The following TRUB2 variants were observed in gnomAD, a reference collection of about 807,000 sequenced individuals.
The protein encoded by TRUB2 is TruB pseudouridine synthase family member 2, also known as pseudouridylate synthase TRUB2, mitochondrial.
TRUB2 carries 31 observed loss-of-function variants against 31.9 expected under a neutral mutation model. That is an observed-to-expected ratio of 0.97 (90% CI 0.73 to 1.31). The LOEUF (loss-of-function observed/expected upper bound fraction) is 1.31. Among genes scored for constraint, TRUB2 ranks in the 50% most tolerant of loss-of-function variants. The pLI is 0.00. For synonymous variants in TRUB2, 201 were observed against 182.6 expected (o/e 1.10, Z -0.81); for missense variants, 451 against 439.6 (o/e 1.03, Z -0.23).
At position 128,309,558 on chromosome 9, in the gene TRUB2, C is replaced by CCG. The variant is rs1831926251; in HGVS notation, c.986_987dup (p.Gly330ArgfsTer25). The CCG allele has an allele frequency of 6.2e-7, 1 of 1,609,784 alleles. No individual in the cohort carries two copies. ...AGGAGCTGCCTGGGCATTCACTGCC[C>CCG]CGCACCCCTCTCCAGCCCCAAGGTA... On this transcript the variant is annotated frameshift_variant, in exon 8 of 8. Coordinates refer to ENST00000372890, the MANE Select transcript of TRUB2 (RefSeq NM_015679.3). LOFTEE classifies it high-confidence loss of function.
intron 5 of TRUB2, among the ~76,000 whole-genome samples, 158 bp from the exon 6 acceptor site, chr9:128,311,759 A>T (rs1383910309): frequency 6.6e-6 from 1 of 150,450 alleles, no homozygotes; most frequent in Non-Finnish European, 1.5e-5. Flanking sequence ...TGAGATTCTC[A>T]TGAAAGCACT....
chr9:128,319,729 C>T (rs574718605), intron 2 of TRUB2, among the ~76,000 whole-genome samples: 8 of 150,420 alleles, frequency 5.3e-5, no homozygotes, highest in African/African-American at 2.0e-4. Flanking sequence ...ACCTCTGCCT[C>T]CCAGGTTCGT....
intron 3 of TRUB2, among the ~76,000 whole-genome samples, chr9:128,316,062 G>A (rs1832062981): frequency 6.6e-6 from 1 of 152,038 alleles, no homozygotes; most frequent in African/African-American, 2.4e-5. Context: ...TGTAATCCCA[G>A]AACTTTGGGA....
intron 7 of TRUB2, among the ~76,000 whole-genome samples, chr9:128,310,549 G>A (rs926609781): frequency 4.6e-5 from 7 of 151,836 alleles, no homozygotes; most frequent in African/African-American, 1.7e-4. Flanking sequence ...TGGGACTGGG[G>A]ACGTAAGAGT....
intron 2 of TRUB2, 35 bp downstream of exon 2, chr9:128,321,564 A>C: frequency 6.2e-7 from 1 of 1,611,712 alleles, no homozygotes; most frequent in African/African-American, 1.3e-5. Context: ...TTTCCTGGGA[A>C]GTGACACACA....
rs746852436 is a variant in TRUB2 at position 128,321,640 on chromosome 9, A to C, written c.200T>G (p.Leu67Arg). The C allele has an allele frequency of 4.3e-6, 7 of 1,614,082 alleles. 1 individual carries two copies. In the South Asian group the frequency reaches 7.7e-5, roughly 18 times the overall value. ...GAAAGAGGGTACGCTGGTGGCTGTG[A>C]GGGTCAGCTCCTTCTCTTCGCTGCC... is the stretch of plus-strand genomic sequence containing the variant. ...MEGSEEKELT[L>R]TATSVPSFIN... Residue 67 changes from leucine to arginine, a missense_variant, in exon 2 of 8, where the codon CTC becomes CGC. Coordinates refer to ENST00000372890, the MANE Select transcript of TRUB2 (RefSeq NM_015679.3).
At position 128,307,921 on chromosome 9, in the gene TRUB2, G is replaced by C. The variant is rs1424348792; in HGVS notation, c.*1629C>G. ...TGTCTAAAAAACAAAAACAGGCCGG[G>C]TGTGGTGGCTCATGCCTGCCATCCC... On this transcript the variant is annotated 3_prime_UTR_variant, in exon 8 of 8. Transcript: ENST00000372890. 6.6e-6 allele frequency: 1 copy of C among 151,838 alleles called. No homozygotes were observed. Among genetic ancestry groups the C allele is most frequent in the Non-Finnish European group, 1.5e-5 (1 of 68,034 alleles). The allele number at this position is 151,838 out of a possible 1,614,324, so 9.4% of individuals were successfully genotyped here.
intron 4 of TRUB2, 135 bp downstream of exon 4, chr9:128,315,432 C>T: frequency 1.3e-6 from 1 of 772,504 alleles, no homozygotes; most frequent in Non-Finnish European, 2.2e-6. Flanking sequence ...AGCCCCTGCA[C>T]AGCACACGAT....
chr9:128,306,125 C>T lies in TRUB2; in HGVS notation c.*3425G>A, dbSNP rs573033852. 3 of 152,262 alleles carry T rather than the reference C, an allele frequency of 2.0e-5. No individual in the cohort carries two copies. The South Asian group carries it at 6.2e-4, about 32-fold the overall frequency. The allele number at this position is 152,262 out of a possible 1,614,324, so 9.4% of individuals were successfully genotyped here. ...AAGACACAGGATAAGGAAAACATCT[C>T]CTTATCCAAGTGATTTGGGGTGGTA... On this transcript the variant is annotated 3_prime_UTR_variant, in exon 8 of 8. Transcript: ENST00000372890.
In TRUB2 at chr9:128,308,358, A is replaced by C. The variant is rs1831901756; in HGVS notation, c.*1192T>G. On this transcript the variant is annotated 3_prime_UTR_variant, in exon 8 of 8. Transcript: ENST00000372890. ...ACCATCCTGGCTAACACGGTGCAAC[A>C]CCGTCTCTACTAAAAATACAAAAAA... 6.6e-6 allele frequency: 1 copy of C among 151,632 alleles called. No individual in the cohort carries two copies. Among genetic ancestry groups the C allele is most frequent in the South Asian group, 2.1e-4 (1 of 4,818 alleles). 9.4% of individuals were successfully genotyped at this position (151,632 alleles called of 1,614,324 possible).
At chr9:128,319,631 C>T (rs1441968460) in intron 2 of TRUB2, among the ~76,000 whole-genome samples, 2 of 151,762 alleles carry the variant, frequency 1.3e-5, no homozygotes, top group Admixed American at 6.6e-5. Context: ...GGCATGTCGT[C>T]CCATATACCT....
chr9:128,311,566 C>T lies in TRUB2; in HGVS notation c.496G>A (p.Ala166Thr). The part of the protein sequence containing the change: ...VTREKLDRIL[A>T]VIQGSHQKAL... ...TTCTGATGGGAGCCTTGGATAACGG[C>T]CAGAATGCGGTCCAGCTTCTCTCTG... Residue 166 changes from alanine (A) to threonine (T), a missense_variant, in exon 6 of 8, where the codon GCC (alanine) becomes ACC (threonine). Transcript: ENST00000372890. The T allele has an allele frequency of 1.5e-5, 25 of 1,614,070 alleles. No homozygotes were observed. Among genetic ancestry groups the T allele is most frequent in the Non-Finnish European group, 2.1e-5 (25 of 1,179,984 alleles).
At chr9:128,315,757 G>T in intron 3 of TRUB2, 129 bp from the exon 4 acceptor site, 1 of 1,051,044 alleles carries the variant, frequency 9.5e-7, no homozygotes, top group South Asian at 1.4e-5. Flanking sequence ...AAGGCAAAAA[G>T]ATCTTCTACA....
chr9:128,312,772 G>A (rs1225033294), intron 5 of TRUB2, among the ~76,000 whole-genome samples: 7 of 151,898 alleles, frequency 4.6e-5, no homozygotes, highest in South Asian at 4.2e-4. Context: ...CTGCCACCAC[G>A]CCCGGCTAAT....
chr9:128,317,043 G>T, intron 3 of TRUB2, 109 bp downstream of exon 3: 1 of 931,064 alleles, frequency 1.1e-6, no homozygotes, highest in Non-Finnish European at 1.6e-6. Context: ...GGGCAGGAGA[G>T]GAGTGGTGGG....
In TRUB2 at chr9:128,313,812, G is replaced by T. The variant is rs1588523670; in HGVS notation, c.456C>A (p.Thr152=). The T allele has an allele frequency of 6.2e-7, 1 of 1,614,042 alleles. No individual in the cohort carries two copies. Among genetic ancestry groups the T allele is most frequent in the Admixed American group, 1.7e-5 (1 of 60,010 alleles). Residue 152 remains threonine, a synonymous_variant, in exon 5 of 8, where the codon ACC becomes ACA. Coordinates refer to ENST00000372890, the MANE Select transcript of TRUB2 (RefSeq NM_015679.3). ...REDGRLVEKT[T]YDHVTREKLD... Reference sequence around the variant, plus strand: ...GCAGCCACTTCCGGTTCTCACCATAGGTTGTCTTCTCTACCAGCCTCCCGT... The same window carrying T: ...GCAGCCACTTCCGGTTCTCACCATATGTTGTCTTCTCTACCAGCCTCCCGT...
intron 2 of TRUB2, among the ~76,000 whole-genome samples, chr9:128,318,510 T>G (rs1832106191): frequency 6.6e-6 from 1 of 151,958 alleles, no homozygotes; most frequent in African/African-American, 2.4e-5. Flanking sequence ...CTGTTTTTTT[T>G]TTGTGTGTGT....
intron 7 of TRUB2, 94 bp from the exon 8 acceptor site, chr9:128,309,969 G>GT (rs1177945689): frequency 4.4e-6 from 6 of 1,363,330 alleles, no homozygotes; most frequent in Non-Finnish European, 6.0e-6. Context: ...TCCTAGGTGT[G>GT]TAACAACCTT....
In TRUB2 at chr9:128,315,510, C is replaced by T. The variant is rs952249066; in HGVS notation, c.378+57G>A. On this transcript the variant is annotated intron_variant, in intron 4 of 7. Transcript: ENST00000372890. ...GAATCCTCTAAGCTTCAGAATCCTGCTGGTGACCCCCAGGAAAGGACCAAG... is the reference window on the plus strand; with the variant it reads ...GAATCCTCTAAGCTTCAGAATCCTGTTGGTGACCCCCAGGAAAGGACCAAG... 1.2e-5 allele frequency: 19 copies of T among 1,561,242 alleles called. No homozygotes were observed. The African/African-American group carries it at 1.6e-4, about 13-fold the overall frequency.
Sources: gnomAD v4.1 joint callset for allele counts (sites outside exome capture counted in the v4.1 genomes callset) on GRCh38, gnomAD v4.1.1 for gene constraint, MANE v1.5 for transcripts, NCBI Gene and HGNC (gene_info 2026-07-23, HGNC 2026-07-21) for gene names.